GBP6: variants seen among roughly 807,000 people sequenced by gnomAD.
GBP6 encodes guanylate binding protein family member 6.
Under a neutral mutation model 61.5 loss-of-function variants are expected in GBP6, and 54 were observed. The observed-to-expected ratio is 0.88, with a 90% CI of 0.71 to 1.10. GBP6 has a LOEUF of 1.10. Ranked by LOEUF, GBP6 falls within the 50% of genes least tolerant of loss-of-function variation. GBP6 has a pLI of 0.00. For missense variants in GBP6, 748 were observed against 752.8 expected, an observed-to-expected ratio of 0.99 and a Z score of 0.07; for synonymous variants, 255 against 273.7, an observed-to-expected ratio of 0.93 and a Z score of 0.67.
chr1:89,374,870 G>A (rs1359269158), intron 3 of GBP6, among the ~76,000 whole-genome samples: 3 of 151,796 alleles, frequency 2.0e-5, no homozygotes, highest in Non-Finnish European at 4.4e-5. Context: ...TATCACCCAG[G>A]TATTAAGCCT....
intron 1 of GBP6, among the ~76,000 whole-genome samples, chr1:89,364,510 C>T (rs1187575747): frequency 2.6e-5 from 4 of 152,154 alleles, no homozygotes; most frequent in African/African-American, 9.7e-5. Flanking sequence ...AGTGGTCACA[C>T]TTAGGAAAGC....
At chr1:89,374,656 T>A (rs1652755456) in intron 3 of GBP6, among the ~76,000 whole-genome samples, 2 of 152,214 alleles carry the variant, frequency 1.3e-5, no homozygotes, top group African/African-American at 4.8e-5. Flanking sequence ...TTGTTTTAAT[T>A]TGCATTTCCT....
rs768002943 is a variant in GBP6, at chr1:89,385,352, A to G, written c.1785A>G (p.Arg595=). ...ATGATGATACTCCCTGGATTGCACG[A>G]ACCTTGGACAACCTTGCCGATGAGC... The part of the protein sequence containing the change: ...TKNDDTPWIA[R]TLDNLADELT... The change falls in exon 11 of 11, where the codon CGA becomes CGG. Residue 595 remains arginine (R), a synonymous_variant. Coordinates refer to ENST00000370456, the MANE Select transcript of GBP6 (RefSeq NM_198460.3). 9 of 1,614,056 alleles carry G rather than the reference A, an allele frequency of 5.6e-6. No individual in the cohort carries two copies. The highest frequency in any genetic ancestry group is 5.0e-5 in the Admixed American group (3 of 60,002).
chr1:89,377,387 C>G (rs886873207), intron 3 of GBP6, among the ~76,000 whole-genome samples: 1 of 152,086 alleles, frequency 6.6e-6, no homozygotes, highest in Admixed American at 6.6e-5. Flanking sequence ...TCTTCAAATC[C>G]ACATTCTATC....
In GBP6 at chr1:89,388,117, T is replaced by A. The variant is rs1376561855; in HGVS notation, c.*2648T>A. On this transcript the variant is annotated 3_prime_UTR_variant, in exon 11 of 11. Transcript: ENST00000370456. ...AAACCTATGACCTCACACAAATCTG[T>A]AACTTCATGTATCACAGTCTCTATA... Among the ~76,000 whole-genome samples, 1 of 152,178 alleles carries A rather than the reference T, an allele frequency of 6.6e-6. No individual in the cohort carries two copies. Among genetic ancestry groups the A allele is most frequent in the Non-Finnish European group, 1.5e-5 (1 of 68,024 alleles).
intron 3 of GBP6, among the ~76,000 whole-genome samples, chr1:89,371,958 C>T (rs1652656646): frequency 6.6e-6 from 1 of 152,240 alleles, no homozygotes; most frequent in Non-Finnish European, 1.5e-5. Context: ...TAAGCAACTT[C>T]AGCAAAGTCT....
chr1:89,383,021 A>C, intron 8 of GBP6, 145 bp downstream of exon 8: 1 of 580,540 alleles, frequency 1.7e-6, no homozygotes, highest in Non-Finnish European at 3.1e-6. Flanking sequence ...TCTTAGAATA[A>C]AAATTTTTAT....
intron 3 of GBP6, among the ~76,000 whole-genome samples, chr1:89,370,569 A>G (rs9287143): frequency 0.9 from 137,486 of 152,268 alleles, 62,163 homozygotes; most frequent in Non-Finnish European, 0.92. Flanking sequence ...CTCTTTTATT[A>G]TCTTACTTTG....
intron 9 of GBP6, 66 bp downstream of exon 9, chr1:89,383,820 C>T (rs1395394285): frequency 8.2e-7 from 1 of 1,216,286 alleles, no homozygotes; most frequent in African/African-American, 1.5e-5. Context: ...ACAGATCTAA[C>T]AGGAAAACCT....
chr1:89,379,085 C>T (rs892136335), intron 5 of GBP6, among the ~76,000 whole-genome samples: 2 of 152,096 alleles, frequency 1.3e-5, no homozygotes, highest in East Asian at 3.9e-4. Context: ...GTTTATTTGG[C>T]TCATAGTTCT....
chr1:89,381,102 T>C (rs1014407268), intron 6 of GBP6, among the ~76,000 whole-genome samples: 3 of 151,878 alleles, frequency 2.0e-5, no homozygotes, highest in African/African-American at 4.8e-5. Context: ...CTGAACAACA[T>C]GGTGAAACCC....
At chr1:89,369,716 T>G in intron 3 of GBP6, 43 bp downstream of exon 3, 1 of 1,578,076 alleles carries the variant, frequency 6.3e-7, no homozygotes, top group Non-Finnish European at 8.6e-7. Context: ...ATTCCAGACG[T>G]GATCCTTGTA....
chr1:89,381,737 T>C lies in GBP6; in HGVS notation c.915T>C (p.Ser305=), dbSNP rs768332283. Residue 305 remains serine (S), a synonymous_variant, in exon 7 of 11, where the codon AGT becomes AGC. Transcript: ENST00000370456. The part of the protein sequence containing the change: ...LAVTYVEAIN[S]GAVPCLENAV... ...TGACTTATGTAGAGGCCATCAACAG[T>C]GGAGCAGTGCCTTGTCTGGAGAATG... 6.8e-6 allele frequency: 11 copies of C among 1,613,990 alleles called. No individual in the cohort carries two copies. The highest frequency in any genetic ancestry group is 1.1e-5 in the South Asian group (1 of 91,074).
intron 3 of GBP6, among the ~76,000 whole-genome samples, chr1:89,374,202 A>T (rs991899696): frequency 2.1e-4 from 32 of 152,188 alleles, no homozygotes; most frequent in Admixed American, 1.8e-3. Flanking sequence ...AGTCTCGTGT[A>T]TGTCTTTATT....
intron 3 of GBP6, among the ~76,000 whole-genome samples, chr1:89,373,417 G>T (rs1652701965): frequency 6.6e-6 from 1 of 152,108 alleles, no homozygotes; most frequent in African/African-American, 2.4e-5. Flanking sequence ...AACCAACCCA[G>T]ATGTCCATCA....
chr1:89,367,092 T>C (rs908291794), intron 1 of GBP6, among the ~76,000 whole-genome samples: 2 of 152,232 alleles, frequency 1.3e-5, no homozygotes, highest in African/African-American at 4.8e-5. Context: ...CTTTTGGCTA[T>C]TGTGCATAAT....
rs377667421 is a variant in GBP6 at position 89,378,477 on chromosome 1, A to G, written c.489A>G (p.Val163=). 1.3e-5 allele frequency: 21 copies of G among 1,614,078 alleles called. No homozygotes were observed. In the African/African-American group the frequency reaches 2.4e-4, roughly 18 times the overall value. Residue 163 remains valine, a synonymous_variant, in exon 5 of 11, where the codon GTA becomes GTG. Coordinates refer to ENST00000370456, the MANE Select transcript of GBP6 (RefSeq NM_198460.3). The part of the protein sequence containing the change: ...KAKSSPRPDG[V]EDSTEFVSFF... Reference sequence around the variant, plus strand: ...AGTCCTCCCCAAGGCCTGATGGAGTAGAAGATTCCACAGAGTTTGTGAGTT... The same window carrying G: ...AGTCCTCCCCAAGGCCTGATGGAGTGGAAGATTCCACAGAGTTTGTGAGTT...
intron 3 of GBP6, among the ~76,000 whole-genome samples, chr1:89,377,762 T>C (rs1308518751): frequency 6.6e-6 from 1 of 152,252 alleles, no homozygotes; most frequent in Non-Finnish European, 1.5e-5. Context: ...GGTTTTTATA[T>C]GTGATGCATG....
At chr1:89,376,483 A>G (rs972314) in intron 3 of GBP6, among the ~76,000 whole-genome samples, 120,364 of 152,154 alleles carry the variant, frequency 0.79, 47,767 homozygotes, top group African/African-American at 0.86. Context: ...TTTCTTCAAT[A>G]TAAGTTCTCA....
Sources: allele counts gnomAD v4.1 joint callset (sites outside exome capture counted in the v4.1 genomes callset), GRCh38; gene constraint gnomAD v4.1.1; transcripts MANE v1.5; gene names NCBI Gene and HGNC (gene_info 2026-07-23, HGNC 2026-07-21).